CDC73: variants seen among roughly 807,000 people sequenced by gnomAD.
The protein encoded by CDC73 is cell division cycle 73, also known as parafibromin.
CDC73 carries 21 observed loss-of-function variants against 83.7 expected under a neutral mutation model. The ratio of observed to expected loss-of-function variants is 0.25; its 90% CI spans 0.18 to 0.36. CDC73 has a LOEUF of 0.36. CDC73 is among the 10% of genes least tolerant of loss of function. The probability of loss-of-function intolerance (pLI) is 1.00; values close to 1 mark genes in which losing one functional copy is unlikely to be tolerated. For synonymous variants in CDC73, 224 were observed against 212.9 expected (o/e 1.05, Z -0.45); for missense variants, 342 against 653.3 (o/e 0.52, Z 5.19).
chr1:193,233,890 C>T (rs1229094971), intron 14 of CDC73, among the ~76,000 whole-genome samples: 2 of 151,842 alleles, frequency 1.3e-5, no homozygotes, highest in Admixed American at 6.6e-5. Context: ...ACACAAATTA[C>T]CTTATTTCTT....
intron 10 of CDC73, among the ~76,000 whole-genome samples, chr1:193,176,930 G>A (rs1676612837): frequency 6.6e-6 from 1 of 152,186 alleles, no homozygotes; most frequent in African/African-American, 2.4e-5. Context: ...GCCCAAAGAA[G>A]CAAGAGATAA....
rs1407316840 is a variant in CDC73 at position 193,254,411 on chromosome 1, C to T, written c.*3699C>T. Among the ~76,000 whole-genome samples, 5 of 151,992 alleles carry T rather than the reference C, an allele frequency of 3.3e-5. No individual in the cohort carries two copies. The highest frequency in any genetic ancestry group is 1.2e-4 in the African/African-American group (5 of 41,398). ...TATTCACTTGTGTTTGAGATTCACC[C>T]AGCTATTCTAATGATAGAAATAAAA... On this transcript the variant is annotated 3_prime_UTR_variant, in exon 17 of 17. Coordinates refer to ENST00000367435, the MANE Select transcript of CDC73 (RefSeq NM_024529.5).
At chr1:193,133,296 T>G (rs1465471754) in intron 3 of CDC73, among the ~76,000 whole-genome samples, 2 of 152,208 alleles carry the variant, frequency 1.3e-5, no homozygotes, top group African/African-American at 4.8e-5. Context: ...GAGCAAATAT[T>G]AAGACCGTAT....
At chr1:193,162,349 CATATATATT>C (rs1379071675) in intron 10 of CDC73, among the ~76,000 whole-genome samples, 43 of 132,564 alleles carry the variant, frequency 3.2e-4, no homozygotes, top group Admixed American at 1.6e-3. Context: ...ATTATATATA[CATATATATT>C]ATATATAGTG....
At chr1:193,129,492 A>ATTTATTTT (rs1325916691) in intron 2 of CDC73, among the ~76,000 whole-genome samples, 1 of 147,756 alleles carries the variant, frequency 6.8e-6, no homozygotes, top group African/African-American at 2.5e-5. Context: ...AAAGAAATTT[A>ATTTATTTT]TTTATTTATT....
intron 15 of CDC73, among the ~76,000 whole-genome samples, chr1:193,238,781 A>G (rs542347458): frequency 2.9e-4 from 44 of 152,222 alleles, no homozygotes; most frequent in Non-Finnish European, 5.1e-4. Flanking sequence ...AATCGTAAGA[A>G]AGAGAAAATA....
At chr1:193,236,471 G>T (rs560334202) in intron 15 of CDC73, 115 bp downstream of exon 15, 26 of 736,986 alleles carry the variant, frequency 3.5e-5, no homozygotes, top group South Asian at 3.2e-4. Flanking sequence ...TTGCTGTTAA[G>T]TAACATATGT....
intron 7 of CDC73, among the ~76,000 whole-genome samples, chr1:193,147,349 T>G (rs1676018841): frequency 6.6e-6 from 1 of 151,506 alleles, no homozygotes; most frequent in Admixed American, 6.6e-5. Flanking sequence ...AGAATATGAA[T>G]ACATTTGTAG....
At chr1:193,233,397 A>G (rs756368864) in intron 14 of CDC73, among the ~76,000 whole-genome samples, 11 of 152,164 alleles carry the variant, frequency 7.2e-5, no homozygotes, top group Non-Finnish European at 1.6e-4. Context: ...TTTTCTGTAT[A>G]TTGTTGGTTG....
intron 10 of CDC73, among the ~76,000 whole-genome samples, chr1:193,158,579 T>C (rs1676248832): frequency 6.6e-6 from 1 of 152,178 alleles, no homozygotes; most frequent in South Asian, 2.1e-4. Flanking sequence ...TACATAATTA[T>C]AAGTAGGAAT....
At position 193,248,989 on chromosome 1, in the gene CDC73, T is replaced by A. The variant is rs142932981; in HGVS notation, c.1418-741T>A. On this transcript the variant is annotated intron_variant, in intron 15 of 16. Coordinates refer to ENST00000367435, the MANE Select transcript of CDC73 (RefSeq NM_024529.5). ...AGTAAAGCGGCAGAGTTTGAGAGGA[T>A]TAACTCCAATTTTAAAGGAAGTTCT... is the stretch of plus-strand genomic sequence containing the variant. Among the ~76,000 whole-genome samples, 93 of 152,180 alleles carry A rather than the reference T, an allele frequency of 6.1e-4. 1 individual carries two copies. Among genetic ancestry groups the A allele is most frequent in the Non-Finnish European group, 2.1e-4 (14 of 67,936 alleles).
intron 10 of CDC73, among the ~76,000 whole-genome samples, chr1:193,172,413 A>G (rs1363586972): frequency 6.6e-6 from 1 of 152,156 alleles, no homozygotes; most frequent in Non-Finnish European, 1.5e-5. Flanking sequence ...ATGACAGATT[A>G]GGAGAGCAGG....
Position 193,152,360 on chromosome 1 carries a change from A to T in CDC73, c.908-20A>T. On this transcript the variant is annotated intron_variant, in intron 9 of 16. Coordinates refer to ENST00000367435, the MANE Select transcript of CDC73 (RefSeq NM_024529.5). ...ACATGATCTATAAAATCTTAACAATAAGCCTCTTTTTTTTCGTAGAAACGG... is the reference window on the plus strand; with the variant it reads ...ACATGATCTATAAAATCTTAACAATTAGCCTCTTTTTTTTCGTAGAAACGG... The T allele has an allele frequency of 6.4e-7, 1 of 1,557,416 alleles. No individual in the cohort carries two copies. The highest frequency in any genetic ancestry group is 8.9e-7 in the Non-Finnish European group (1 of 1,128,888).
At chr1:193,141,805 C>A in intron 6 of CDC73, 45 bp from the exon 7 acceptor site, 1 of 1,192,562 alleles carries the variant, frequency 8.4e-7, no homozygotes, top group Non-Finnish European at 1.2e-6. Context: ...ATGATACACT[C>A]CAGGAATGCC....
At chr1:193,204,717 A>G (rs891616834) in intron 11 of CDC73, among the ~76,000 whole-genome samples, 3 of 152,200 alleles carry the variant, frequency 2.0e-5, no homozygotes, top group African/African-American at 7.2e-5. Context: ...ATAGGTATAG[A>G]GAAGAGTTAA....
At chr1:193,204,222 T>TGTATATATAC (rs1558309976) in intron 11 of CDC73, among the ~76,000 whole-genome samples, 110 of 13,056 alleles carry the variant, frequency 8.4e-3, no homozygotes, top group African/African-American at 0.033. Context: ...TATATGTATA[T>TGTATATATAC]ATATGTATAT....
At chr1:193,225,245 G>GATATATATATATATATATATATAT (rs56261261) in intron 13 of CDC73, among the ~76,000 whole-genome samples, 3 of 143,602 alleles carry the variant, frequency 2.1e-5, no homozygotes, top group Non-Finnish European at 3.0e-5. Flanking sequence ...AGTATTCCAT[G>GATATATATATATATATATATATAT]ATATATATAT....
At chr1:193,167,938 G>A (rs1290954633) in intron 10 of CDC73, among the ~76,000 whole-genome samples, 1 of 152,038 alleles carries the variant, frequency 6.6e-6, no homozygotes. Context: ...TTGGCTTACT[G>A]CAACCTCTGC....
intron 10 of CDC73, among the ~76,000 whole-genome samples, chr1:193,153,807 A>G (rs1004383820): frequency 3.3e-5 from 5 of 152,210 alleles, no homozygotes; most frequent in African/African-American, 1.2e-4. Flanking sequence ...CTGGTCATAC[A>G]GCTGTGAATA....
Sources: allele counts gnomAD v4.1 joint callset (sites outside exome capture counted in the v4.1 genomes callset), GRCh38; gene constraint gnomAD v4.1.1; transcripts MANE v1.5; gene names NCBI Gene and HGNC (gene_info 2026-07-23, HGNC 2026-07-21).